Variants in SOX5 observed in about 807,000 individuals in gnomAD.
SOX5 encodes SRY-box transcription factor 5, also known as transcription factor SOX-5.
Under a neutral mutation model 92.0 loss-of-function variants are expected in SOX5, and 9 were observed. The ratio of observed to expected loss-of-function variants is 0.10; its 90% CI spans 0.06 to 0.17. SOX5 has a LOEUF of 0.17. Ranked by LOEUF, SOX5 falls within the 10% of genes least tolerant of loss-of-function variation. SOX5 has a pLI of 1.00. For synonymous variants in SOX5, 344 were observed against 336.3 expected (o/e 1.02, Z -0.25); for missense variants, 642 against 944.5 (o/e 0.68, Z 4.20).
intron 3 of SOX5, among the ~76,000 whole-genome samples, chr12:23,802,780 C>T (rs1429665275): frequency 6.6e-6 from 1 of 151,942 alleles, no homozygotes; most frequent in African/African-American, 2.4e-5. Flanking sequence ...GTGGAAATAC[C>T]CCATACGTAA....
intron 4 of SOX5, among the ~76,000 whole-genome samples, chr12:24,094,601 G>A (rs1412143226): frequency 6.6e-6 from 1 of 151,922 alleles, no homozygotes; most frequent in Non-Finnish European, 1.5e-5. Flanking sequence ...TTGACAGTAA[G>A]ATTTTTAAAG....
chr12:23,928,343 G>A (rs574767513), intron 1 of SOX5, among the ~76,000 whole-genome samples: 9 of 152,056 alleles, frequency 5.9e-5, no homozygotes, highest in African/African-American at 1.9e-4. Context: ...CTCAGTACTC[G>A]GGTGTGGCCA....
chr12:23,999,304 G>A (rs564653971), intron 4 of SOX5, among the ~76,000 whole-genome samples: 1 of 152,086 alleles, frequency 6.6e-6, no homozygotes, highest in Non-Finnish European at 1.5e-5. Flanking sequence ...ATGGTGAAGG[G>A]GGTTGAAAGA....
intron 4 of SOX5, 100 bp downstream of exon 4, chr12:23,755,538 G>A (rs570954754): frequency 1.3e-6 from 1 of 793,956 alleles, no homozygotes; most frequent in South Asian, 1.7e-5. Flanking sequence ...AATGCAAGAA[G>A]CAGAAGAGGT....
At chr12:24,411,352 TGAA>T (rs1964041213) in intron 1 of SOX5, among the ~76,000 whole-genome samples, 2 of 152,206 alleles carry the variant, frequency 1.3e-5, no homozygotes, top group African/African-American at 4.8e-5. Flanking sequence ...AGCACTGTGT[TGAA>T]GAAGGGTCAT....
intron 4 of SOX5, among the ~76,000 whole-genome samples, chr12:24,141,107 TC>T (rs1950543680): frequency 6.6e-6 from 1 of 152,102 alleles, no homozygotes. Flanking sequence ...AGACACACCT[TC>T]CCAAAACTTC....
intron 3 of SOX5, 97 bp downstream of exon 3, chr12:23,845,886 C>T: frequency 9.7e-7 from 1 of 1,032,154 alleles, no homozygotes; most frequent in Non-Finnish European, 1.5e-6. Flanking sequence ...CCCAATTTAA[C>T]TTTAAGAGTA....
rs115649189 is a variant in SOX5, at chr12:23,563,460, G to A, written c.1343-57C>T. Reference sequence around the variant, plus strand: ...TGTATAAAAGCATGTCTAGGCTAGCGTTTAACCATAAAAATCACTTTTCTT... The same window carrying A: ...TGTATAAAAGCATGTCTAGGCTAGCATTTAACCATAAAAATCACTTTTCTT... On this transcript the variant is annotated intron_variant, in intron 10 of 14. Transcript: ENST00000451604. 2.0e-3 allele frequency: 2,974 copies of A among 1,511,168 alleles called. 46 individuals carry two copies. In the African/African-American group the frequency reaches 0.035, roughly 18 times the overall value. The allele number at this position is 1,511,168 out of a possible 1,614,324, so 93.6% of individuals were successfully genotyped here.
At position 23,881,924 on chromosome 12, in the gene SOX5, T is replaced by C. The variant is rs530726775; in HGVS notation, c.270+13869A>G. Among the ~76,000 whole-genome samples, 14 of 152,044 alleles carry C rather than the reference T, an allele frequency of 9.2e-5. 2 individuals are homozygous for C. Among genetic ancestry groups the C allele is most frequent in the African/African-American group, 3.4e-4 (14 of 41,468 alleles). On this transcript the variant is annotated intron_variant, in intron 2 of 14. Transcript: ENST00000451604. ...AAAACAAAAATAATTAAAGAATCAC[T>C]GAAAAGGACATAAGTGAAGAGGGAA...
chr12:24,112,831 T>A (rs942604102), intron 4 of SOX5, among the ~76,000 whole-genome samples: 6 of 152,032 alleles, frequency 3.9e-5, no homozygotes, highest in Non-Finnish European at 5.9e-5. Context: ...TGAGCCACCA[T>A]GACTGCCCTA....
intron 14 of SOX5, among the ~76,000 whole-genome samples, chr12:23,535,257 A>G (rs959438679): frequency 1.3e-5 from 2 of 152,224 alleles, no homozygotes; most frequent in Non-Finnish European, 1.5e-5. Flanking sequence ...CTAAAGCATT[A>G]GAGTTCTCAA....
intron 3 of SOX5, among the ~76,000 whole-genome samples, chr12:23,794,953 A>G (rs2095537140): frequency 1.3e-5 from 2 of 152,122 alleles, no homozygotes; most frequent in South Asian, 4.1e-4. Context: ...CCGCTAATAT[A>G]TTAAAAATTT....
intron 6 of SOX5, among the ~76,000 whole-genome samples, chr12:23,671,858 A>G (rs1247078358): frequency 6.6e-6 from 1 of 152,184 alleles, no homozygotes; most frequent in Non-Finnish European, 1.5e-5. Context: ...ACAAAGACAA[A>G]GTAGCCATAT....
intron 9 of SOX5, among the ~76,000 whole-genome samples, chr12:23,577,331 C>T (rs1164007242): frequency 6.6e-6 from 1 of 150,584 alleles, no homozygotes; most frequent in Non-Finnish European, 1.5e-5. Context: ...GTAGCTGGGA[C>T]ACTACTACGT....
intron 2 of SOX5, among the ~76,000 whole-genome samples, chr12:24,309,336 C>G (rs957809938): frequency 6.6e-6 from 1 of 152,144 alleles, no homozygotes; most frequent in East Asian, 1.9e-4. Flanking sequence ...TTCTTTCTAG[C>G]AGGTTAAGAC....
chr12:23,560,308 T>C (rs531774077), intron 11 of SOX5, among the ~76,000 whole-genome samples: 94 of 152,358 alleles, frequency 6.2e-4, no homozygotes, highest in African/African-American at 2.1e-3. Context: ...TCATATATTT[T>C]TTATGTCTTT....
At chr12:23,991,969 T>C (rs1253965366) in intron 4 of SOX5, among the ~76,000 whole-genome samples, 1 of 152,130 alleles carries the variant, frequency 6.6e-6, no homozygotes, top group Admixed American at 6.6e-5. Context: ...TATGAAATCT[T>C]ATACTATGCA....
chr12:23,935,278 A>C (rs1352465952), intron 1 of SOX5, among the ~76,000 whole-genome samples: 1 of 151,238 alleles, frequency 6.6e-6, no homozygotes, highest in Non-Finnish European at 1.5e-5. Flanking sequence ...CATGGCTACA[A>C]ATTAAAGAAT....
intron 4 of SOX5, among the ~76,000 whole-genome samples, chr12:24,187,543 C>T (rs1956133926): frequency 6.6e-6 from 1 of 152,136 alleles, no homozygotes. Context: ...CTTTTCATTA[C>T]CATTTATCTA....
Sources: allele counts gnomAD v4.1 joint callset (sites outside exome capture counted in the v4.1 genomes callset), GRCh38; gene constraint gnomAD v4.1.1; transcripts MANE v1.5; gene names NCBI Gene and HGNC (gene_info 2026-07-23, HGNC 2026-07-21).